The following SYN3 variants were observed in gnomAD, a reference collection of about 807,000 sequenced individuals.
SYN3 encodes synapsin III.
SYN3 carries 35 observed loss-of-function variants against 65.8 expected under a neutral mutation model. The ratio of observed to expected loss-of-function variants is 0.53; its 90% CI spans 0.41 to 0.70. SYN3 has a LOEUF of 0.70. SYN3 is among the 30% of genes least tolerant of loss of function. The pLI is 0.00. For synonymous variants in SYN3, 270 were observed against 292.9 expected, an observed-to-expected ratio of 0.92 and a Z score of 0.80; for missense variants, 680 against 749.0, an observed-to-expected ratio of 0.91 and a Z score of 1.08.
chr22:32,962,676 C>G (rs2051692394), intron 3 of SYN3, among the ~76,000 whole-genome samples: 1 of 152,116 alleles, frequency 6.6e-6, no homozygotes, highest in Non-Finnish European at 1.5e-5. Flanking sequence ...TCTGCCAATT[C>G]TAAGCTGCGT....
At chr22:32,726,323 G>A (rs2061192233) in intron 6 of SYN3, among the ~76,000 whole-genome samples, 1 of 152,002 alleles carries the variant, frequency 6.6e-6, no homozygotes, top group South Asian at 2.1e-4. Context: ...TTGTATTTTT[G>A]GTAGAGACAG....
At chr22:32,891,537 A>G (rs1029296282) in intron 4 of SYN3, among the ~76,000 whole-genome samples, 3 of 152,052 alleles carry the variant, frequency 2.0e-5, no homozygotes, top group Non-Finnish European at 4.4e-5. Flanking sequence ...TCACATCCAG[A>G]TTTCTTTGCA....
At chr22:32,590,388 AT>A (rs2146549939) in intron 7 of SYN3, among the ~76,000 whole-genome samples, 1 of 152,336 alleles carries the variant, frequency 6.6e-6, no homozygotes, top group South Asian at 2.1e-4. Context: ...TAGTTCATTA[AT>A]TTTTATTGCT....
chr22:32,809,529 T>G (rs1020632506), intron 6 of SYN3, among the ~76,000 whole-genome samples: 2 of 152,074 alleles, frequency 1.3e-5, no homozygotes, highest in Non-Finnish European at 2.9e-5. Context: ...TTCAACACTA[T>G]GGAATTTTTT....
intron 4 of SYN3, among the ~76,000 whole-genome samples, chr22:32,874,781 T>G (rs915897524): frequency 6.6e-6 from 1 of 152,216 alleles, no homozygotes; most frequent in Non-Finnish European, 1.5e-5. Flanking sequence ...CTCCAGACTT[T>G]CTGACGTCCA....
chr22:32,939,161 G>C (rs1395575453), intron 3 of SYN3, among the ~76,000 whole-genome samples: 2 of 152,112 alleles, frequency 1.3e-5, no homozygotes, highest in Non-Finnish European at 2.9e-5. Context: ...ATTATTAACT[G>C]TTTAAAGCAA....
chr22:33,030,878 T>A (rs917986191), intron 1 of SYN3, among the ~76,000 whole-genome samples: 1 of 148,668 alleles, frequency 6.7e-6, no homozygotes, highest in African/African-American at 2.5e-5. Context: ...TAGAGACAAA[T>A]AGACACAGAG....
intron 6 of SYN3, among the ~76,000 whole-genome samples, chr22:32,800,623 T>C (rs1377310532): frequency 6.6e-6 from 1 of 152,224 alleles, no homozygotes; most frequent in Non-Finnish European, 1.5e-5. Flanking sequence ...TTATAGCTAG[T>C]CGTCTAGGAT....
intron 7 of SYN3, among the ~76,000 whole-genome samples, chr22:32,570,698 T>A (rs900892255): frequency 6.6e-6 from 1 of 152,052 alleles, no homozygotes; most frequent in Non-Finnish European, 1.5e-5. Context: ...TGGCATCTGG[T>A]CAACCCTCTC....
At chr22:32,862,091 G>T (rs932602949) in intron 6 of SYN3, 1 of 152,520 alleles carries the variant, frequency 6.6e-6, no homozygotes, top group Admixed American at 6.5e-5. Flanking sequence ...ATGGCTCCTG[G>T]AGTAGGAAAA....
intron 6 of SYN3, among the ~76,000 whole-genome samples, chr22:32,727,133 C>T (rs2061206421): frequency 6.6e-6 from 1 of 152,150 alleles, no homozygotes; most frequent in African/African-American, 2.4e-5. Flanking sequence ...GCAGCTCTCC[C>T]TCCTCCCACC....
chr22:32,986,463 C>G (rs2052530437), intron 2 of SYN3, among the ~76,000 whole-genome samples: 1 of 152,186 alleles, frequency 6.6e-6, no homozygotes, highest in African/African-American at 2.4e-5. Context: ...GGGGCTGAAG[C>G]TGAGGGTCAG....
intron 6 of SYN3, among the ~76,000 whole-genome samples, chr22:32,694,917 A>AC (rs1423925945): frequency 1.3e-5 from 2 of 152,218 alleles, no homozygotes; most frequent in Non-Finnish European, 2.9e-5. Context: ...TAAATTTGAA[A>AC]TGTGTTTGTT....
intron 2 of SYN3, among the ~76,000 whole-genome samples, chr22:32,991,926 A>T (rs1197722581): frequency 6.6e-6 from 1 of 152,134 alleles, no homozygotes; most frequent in Non-Finnish European, 1.5e-5. Context: ...GGCTTCCTAG[A>T]CGTTCTGTAA....
chr22:32,518,180 G>A lies in SYN3; in HGVS notation c.1473C>T (p.Ser491=). ...SPGSPQLSRA[S]SGSSPNQASK... The stretch of plus-strand genomic sequence containing the variant: ...AGGCCTGGTTTGGGGAGCTGCCACT[G>A]GATGCCCGGGATAGCTGCGGAGAGC... The change falls in exon 13 of 14, where the codon TCC becomes TCT. Residue 491 remains serine, a synonymous_variant. Transcript: ENST00000358763. 6.2e-7 allele frequency: 1 copy of A among 1,613,836 alleles called. No homozygotes were observed. The highest frequency in any genetic ancestry group is 8.5e-7 in the Non-Finnish European group (1 of 1,179,944).
chr22:32,646,016 G>T (rs958761448), intron 6 of SYN3, among the ~76,000 whole-genome samples: 7 of 152,210 alleles, frequency 4.6e-5, no homozygotes, highest in African/African-American at 1.4e-4. Context: ...CTTCCTGGTA[G>T]AACTATGTCA....
intron 4 of SYN3, among the ~76,000 whole-genome samples, chr22:32,900,264 G>A (rs900021398): frequency 6.6e-6 from 1 of 152,172 alleles, no homozygotes; most frequent in African/African-American, 2.4e-5. Flanking sequence ...GGCTTGAGTT[G>A]CCACTCAGCC....
At chr22:32,787,373 G>C (rs551098129) in intron 6 of SYN3, among the ~76,000 whole-genome samples, 31 of 152,280 alleles carry the variant, frequency 2.0e-4, no homozygotes. Context: ...TAGAGTAGCT[G>C]TCTGTGGGGG....
chr22:32,849,348 T>C (rs2146243340), intron 6 of SYN3: 2 of 915,376 alleles, frequency 2.2e-6, no homozygotes, highest in East Asian at 5.3e-5. Context: ...AAGGTAAGAG[T>C]GCAATTCCAG....
Sources: gnomAD v4.1 joint callset for allele counts (sites outside exome capture counted in the v4.1 genomes callset) on GRCh38, gnomAD v4.1.1 for gene constraint, MANE v1.5 for transcripts, NCBI Gene and HGNC (gene_info 2026-07-23, HGNC 2026-07-21) for gene names.